Variants in ELMOD2 observed in about 807,000 individuals in gnomAD.
ELMOD2 encodes ELMO domain-containing protein 2.
ELMOD2 carries 28 observed loss-of-function variants against 41.0 expected under a neutral mutation model. That is an observed-to-expected ratio of 0.68 (90% confidence interval 0.51 to 0.94). The LOEUF is 0.94. Among genes scored for constraint, ELMOD2 ranks in the 40% least tolerant of loss-of-function variants. The pLI is 0.00. For missense variants in ELMOD2, 333 were observed against 343.1 expected (o/e 0.97, Z 0.23); for synonymous variants, 106 against 107.2 (o/e 0.99, Z 0.07).
chr4:140,531,479 C>T (rs1734745926), intron 3 of ELMOD2, among the ~76,000 whole-genome samples: 1 of 152,214 alleles, frequency 6.6e-6, no homozygotes, highest in African/African-American at 2.4e-5. Flanking sequence ...TGTACTTACG[C>T]ATATACAGGC....
chr4:140,547,744 C>T (rs1019510272), intron 8 of ELMOD2, among the ~76,000 whole-genome samples: 1 of 150,402 alleles, frequency 6.6e-6, no homozygotes, highest in Non-Finnish European at 1.5e-5. Flanking sequence ...AATCCCCCTT[C>T]CTATGATTTT....
chr4:140,524,882 G>C (rs1172154799), intron 1 of ELMOD2: 2 of 153,524 alleles, frequency 1.3e-5, no homozygotes, highest in Admixed American at 1.3e-4. Context: ...ATGAGCTAAG[G>C]TGTTATATAC....
rs1170235370 is a variant in ELMOD2, at chr4:140,552,485, C to A, written c.*2110C>A. 1 of 152,026 alleles carries A rather than the reference C, an allele frequency of 6.6e-6. No individual in the cohort carries two copies. The highest frequency in any genetic ancestry group is 6.6e-5 in the Admixed American group (1 of 15,246). 9.4% of individuals were successfully genotyped at this position (152,026 alleles called of 1,614,324 possible). A position where few individuals can be genotyped will look rare whatever the true frequency, so the allele number is the denominator to read the frequency against. On this transcript the variant is annotated 3_prime_UTR_variant, in exon 9 of 9. Coordinates refer to ENST00000323570, the MANE Select transcript of ELMOD2 (RefSeq NM_153702.4). The stretch of plus-strand genomic sequence containing the variant: ...CACTAATAAATTCTAGGGTTTGAGT[C>A]TAGAAGCCAAGCAAACTGTCACCAA...
rs769641417 is a variant in ELMOD2 at position 140,525,427 on chromosome 4, A to AG, written c.-2_-1insG. Reference sequence around the variant, plus strand: ...TATGTTTCCCTCCTCCAGGAAAAAAAAATGTTTATTTCTTTGTGGGAGTTC... The same window carrying AG: ...TATGTTTCCCTCCTCCAGGAAAAAAAGAATGTTTATTTCTTTGTGGGAGTTC... On this transcript the variant is annotated 5_prime_UTR_variant, in exon 2 of 9. Coordinates refer to ENST00000323570, the MANE Select transcript of ELMOD2 (RefSeq NM_153702.4). The AG allele has an allele frequency of 6.2e-7, 1 of 1,612,034 alleles. No homozygotes were observed. The highest frequency in any genetic ancestry group is 2.2e-5 in the East Asian group (1 of 44,810).
chr4:140,549,973 C>T (rs1325222100), intron 8 of ELMOD2, among the ~76,000 whole-genome samples: 1 of 152,052 alleles, frequency 6.6e-6, no homozygotes, highest in Admixed American at 6.6e-5. Flanking sequence ...AGGTATGAGT[C>T]ACTGCTCCCA....
At chr4:140,543,632 T>G in intron 8 of ELMOD2, 46 bp downstream of exon 8, 1 of 1,415,818 alleles carries the variant, frequency 7.1e-7, no homozygotes, top group Non-Finnish European at 9.5e-7. Flanking sequence ...AAGATAATTC[T>G]TAAACCACTA....
At chr4:140,547,415 C>T (rs6818701) in intron 8 of ELMOD2, among the ~76,000 whole-genome samples, 17,222 of 152,034 alleles carry the variant, frequency 0.11, 1,084 homozygotes, top group Admixed American at 0.19. Context: ...ACCACTAGTC[C>T]AGCAGGAGGG....
chr4:140,527,438 C>T (rs1219027030), intron 2 of ELMOD2, 28 bp from the exon 3 acceptor site: 2 of 1,452,458 alleles, frequency 1.4e-6, no homozygotes, highest in African/African-American at 1.5e-5. Flanking sequence ...TAAGTGATAA[C>T]ATCTTTTTTT....
At position 140,552,642 on chromosome 4, in the gene ELMOD2, T is replaced by G. The variant is rs1735497362; in HGVS notation, c.*2267T>G. On this transcript the variant is annotated 3_prime_UTR_variant, in exon 9 of 9. Coordinates refer to ENST00000323570, the MANE Select transcript of ELMOD2 (RefSeq NM_153702.4). ...TATGTAGTTGGAATTTTACATAGTCTTAAAATCCATATTTAGAATCTTACC... is the reference window on the plus strand; with the variant it reads ...TATGTAGTTGGAATTTTACATAGTCGTAAAATCCATATTTAGAATCTTACC... The G allele has an allele frequency of 6.6e-6, 1 of 152,130 alleles. No individual in the cohort carries two copies. The highest frequency in any genetic ancestry group is 2.4e-5 in the African/African-American group (1 of 41,450). 9.4% of individuals were successfully genotyped at this position (152,130 alleles called of 1,614,324 possible).
At chr4:140,545,416 A>G (rs1735243387) in intron 8 of ELMOD2, among the ~76,000 whole-genome samples, 1 of 152,144 alleles carries the variant, frequency 6.6e-6, no homozygotes, top group Non-Finnish European at 1.5e-5. Context: ...CTTGCTTGAA[A>G]TGCCAAATGT....
chr4:140,525,639 G>T (rs1734540121), intron 2 of ELMOD2, 69 bp downstream of exon 2: 1 of 1,490,050 alleles, frequency 6.7e-7, no homozygotes, highest in Non-Finnish European at 9.0e-7. Context: ...GACTCACAGT[G>T]ACAGATGTAT....
intron 3 of ELMOD2, among the ~76,000 whole-genome samples, chr4:140,533,751 ACT>A (rs960898897): frequency 1.3e-5 from 2 of 152,270 alleles, no homozygotes; most frequent in Admixed American, 1.3e-4. Flanking sequence ...AACTTTTATA[ACT>A]CAGTAATAAA....
intron 5 of ELMOD2, among the ~76,000 whole-genome samples, 166 bp downstream of exon 5, chr4:140,537,707 T>A (rs1367506107): frequency 6.6e-6 from 1 of 151,514 alleles, no homozygotes; most frequent in African/African-American, 2.4e-5. Context: ...ATGGAAAGAT[T>A]TTTAGTTAGG....
chr4:140,542,632 C>A lies in ELMOD2; in HGVS notation c.592C>A (p.Pro198Thr). The A allele has an allele frequency of 6.2e-7, 1 of 1,604,498 alleles. No homozygotes were observed. The highest frequency in any genetic ancestry group is 8.5e-7 in the Non-Finnish European group (1 of 1,174,628). ...AHQILSRSNH[P>T]KLGYSYAIVG... ...TCAGATTCTTTCCCGTTCAAATCATCCAAAATTAGGGTAAGCTGGGTATAT... is the reference window on the plus strand; with the variant it reads ...TCAGATTCTTTCCCGTTCAAATCATACAAAATTAGGGTAAGCTGGGTATAT... The change falls in exon 7 of 9, where the codon CCA (proline) becomes ACA (threonine). Residue 198 changes from proline to threonine, a missense_variant. Transcript: ENST00000323570.
intron 3 of ELMOD2, among the ~76,000 whole-genome samples, chr4:140,532,694 C>A (rs1399157653): frequency 6.6e-6 from 1 of 152,194 alleles, no homozygotes; most frequent in Non-Finnish European, 1.5e-5. Flanking sequence ...ATTGAATGCT[C>A]ACCACATTTA....
At chr4:140,528,492 A>G (rs1321840658) in intron 3 of ELMOD2, among the ~76,000 whole-genome samples, 1 of 152,200 alleles carries the variant, frequency 6.6e-6, no homozygotes, top group Non-Finnish European at 1.5e-5. Context: ...ATGGTTAAAT[A>G]TATTTTAGGA....
At chr4:140,538,116 G>A (rs1734990015) in intron 5 of ELMOD2, among the ~76,000 whole-genome samples, 1 of 152,036 alleles carries the variant, frequency 6.6e-6, no homozygotes, top group African/African-American at 2.4e-5. Flanking sequence ...AGCCAATGAG[G>A]TGCCAAAATT....
In ELMOD2 at chr4:140,551,766, G is replaced by A. The variant is rs115209269; in HGVS notation, c.*1391G>A. On this transcript the variant is annotated 3_prime_UTR_variant, in exon 9 of 9. Coordinates refer to ENST00000323570, the MANE Select transcript of ELMOD2 (RefSeq NM_153702.4). ...TAGAGCAAGACCTGAGACTTTATAA[G>A]TATTTGCTCGTGTCTGTTGACAGAC... The A allele has an allele frequency of 4.5e-3, 681 of 152,152 alleles. 7 individuals carry two copies. The highest frequency in any genetic ancestry group is 0.015 in the African/African-American group (643 of 41,548). The allele number at this position is 152,152 out of a possible 1,614,324, so 9.4% of individuals were successfully genotyped here.
intron 4 of ELMOD2, 58 bp downstream of exon 4, chr4:140,535,888 A>G (rs1469726266): frequency 2.1e-6 from 3 of 1,451,066 alleles, no homozygotes; most frequent in Admixed American, 4.2e-5. Flanking sequence ...TGAGGTATCA[A>G]TATCACACAC....
Sources: allele counts gnomAD v4.1 joint callset (sites outside exome capture counted in the v4.1 genomes callset), GRCh38; gene constraint gnomAD v4.1.1; transcripts MANE v1.5; gene names NCBI Gene and HGNC (gene_info 2026-07-23, HGNC 2026-07-21).